SMC1B: variants seen among roughly 807,000 people sequenced by gnomAD.
The protein encoded by SMC1B is structural maintenance of chromosomes 1B.
A neutral mutation model predicts 157.9 loss-of-function variants in SMC1B; 60 were observed. That is an observed-to-expected ratio of 0.38 (90% CI 0.31 to 0.47). The LOEUF is 0.47. Ranked by LOEUF, SMC1B falls within the 20% of genes least tolerant of loss-of-function variation. The pLI is 0.99. For missense variants in SMC1B, 1,165 were observed against 1,426.2 expected (o/e 0.82, Z 2.95); for synonymous variants, 445 against 483.0 (o/e 0.92, Z 1.03).
chr22:45,349,699 T>C (rs1380227162), intron 23 of SMC1B, 29 bp downstream of exon 23: 1 of 1,566,602 alleles, frequency 6.4e-7, no homozygotes. Context: ...TTGTAGACAG[T>C]CTATTGAAAA....
At chr22:45,351,018 A>G (rs1236337533) in intron 22 of SMC1B, among the ~76,000 whole-genome samples, 1 of 152,170 alleles carries the variant, frequency 6.6e-6, no homozygotes, top group Non-Finnish European at 1.5e-5. Context: ...TTAGCTGTCC[A>G]CATGACCTGC....
chr22:45,407,817 C>G lies in SMC1B; in HGVS notation c.298+893G>C, dbSNP rs557286024. Among the ~76,000 whole-genome samples, 3 of 152,300 alleles carry G rather than the reference C, an allele frequency of 2.0e-5. No homozygotes were observed. In the East Asian group the frequency reaches 5.8e-4, roughly 29 times the overall value. On this transcript the variant is annotated intron_variant, in intron 2 of 24. Transcript: ENST00000357450. ...TGCAGAAGTGACTATGCCTCTACCC[C>G]TGTCACATGTGAACAATTGATCAAA...
chr22:45,364,824 C>CTTTTT (rs202166311), intron 15 of SMC1B, among the ~76,000 whole-genome samples: 18 of 105,506 alleles, frequency 1.7e-4, no homozygotes, highest in African/African-American at 6.6e-4. Flanking sequence ...ATCTCTTTTC[C>CTTTTT]TTTTTTTTTT....
At chr22:45,378,039 TCTCA>T (rs2086900100) in intron 12 of SMC1B, among the ~76,000 whole-genome samples, 1 of 152,064 alleles carries the variant, frequency 6.6e-6, no homozygotes, top group Non-Finnish European at 1.5e-5. Context: ...AGAGAAGAGG[TCTCA>T]CTATGTTGCC....
intron 10 of SMC1B, among the ~76,000 whole-genome samples, chr22:45,389,335 C>A (rs1489885516): frequency 6.6e-6 from 1 of 152,210 alleles, no homozygotes; most frequent in Non-Finnish European, 1.5e-5. Context: ...CACACTGGGT[C>A]AAACATTTAC....
At chr22:45,366,484 C>T (rs1192488697) in intron 15 of SMC1B, among the ~76,000 whole-genome samples, 1 of 152,108 alleles carries the variant, frequency 6.6e-6, no homozygotes, top group Non-Finnish European at 1.5e-5. Flanking sequence ...TCAAAGTTTA[C>T]CTCAGAAGAA....
At chr22:45,407,958 A>G (rs2087282803) in intron 2 of SMC1B, among the ~76,000 whole-genome samples, 1 of 152,194 alleles carries the variant, frequency 6.6e-6, no homozygotes, top group Non-Finnish European at 1.5e-5. Context: ...ACACACACAC[A>G]AATTCAAACA....
chr22:45,394,986 A>T (rs2146834580), intron 7 of SMC1B, among the ~76,000 whole-genome samples: 1 of 152,288 alleles, frequency 6.6e-6, no homozygotes, highest in Middle Eastern at 3.4e-3. Flanking sequence ...TCTCTCTGTA[A>T]CTTCAAACTT....
chr22:45,397,104 C>A (rs533433602), intron 6 of SMC1B, among the ~76,000 whole-genome samples: 62 of 148,650 alleles, frequency 4.2e-4, no homozygotes, highest in African/African-American at 1.6e-3. Context: ...ACTATATATA[C>A]CAAAATAATT....
Position 45,386,936 on chromosome 22 carries a change from T to C in SMC1B, c.1842A>G (p.Gly614=), listed in dbSNP as rs774347110. ...QLKKVIQFVC[G]NGLVCETMEE... is the part of the protein sequence containing the mutation. ...CCATAGTCTCACAAACAAGACCATT[T>C]CCACACACAAACTGAATCACTTTCT... The change falls in exon 11 of 25, where the codon GGA becomes GGG. Residue 614 remains glycine (G), a synonymous_variant. Transcript: ENST00000357450. The C allele has an allele frequency of 6.2e-7, 1 of 1,614,148 alleles. No individual in the cohort carries two copies. The highest frequency in any genetic ancestry group is 1.3e-5 in the African/African-American group (1 of 75,060).
chr22:45,366,677 C>A (rs745876322), intron 15 of SMC1B, among the ~76,000 whole-genome samples: 30 of 152,166 alleles, frequency 2.0e-4, no homozygotes, highest in Admixed American at 4.6e-4. Context: ...GTGCATGGAT[C>A]ACCTGAGGTC....
At chr22:45,358,563 G>A in intron 19 of SMC1B, 134 bp downstream of exon 19, 1 of 567,124 alleles carries the variant, frequency 1.8e-6, no homozygotes, top group Non-Finnish European at 3.0e-6. Flanking sequence ...TTTTTCCTTT[G>A]TATATTTCTT....
intron 15 of SMC1B, among the ~76,000 whole-genome samples, chr22:45,366,475 CAA>C (rs1446695349): frequency 2.0e-5 from 3 of 152,152 alleles, no homozygotes; most frequent in African/African-American, 7.2e-5. Context: ...TAGACAAGTT[CAA>C]AGTTTACCTC....
In SMC1B at chr22:45,372,191, C is replaced by G. The variant is rs1342254088; in HGVS notation, c.2160G>C (p.Glu720Asp). 1.2e-6 allele frequency: 2 copies of G among 1,611,672 alleles called. No homozygotes were observed. The highest frequency in any genetic ancestry group is 2.7e-5 in the African/African-American group (2 of 74,806). ...CAACAAGGTGCTTCTTCTTAATCAT[C>G]TCTAGTTCATTTTGTGAATATTTGA... ...TRLKYSQNEL[E>D]MIKKKHLVAF... The change falls in exon 13 of 25, where the codon GAG becomes GAC. Residue 720 changes from glutamate (E) to aspartate (D), a missense_variant. Coordinates refer to ENST00000357450, the MANE Select transcript of SMC1B (RefSeq NM_148674.5).
chr22:45,366,369 A>G (rs1011998418), intron 15 of SMC1B, among the ~76,000 whole-genome samples: 1 of 152,218 alleles, frequency 6.6e-6, no homozygotes, highest in African/African-American at 2.4e-5. Context: ...TGTAATAGGC[A>G]GAATTATTTA....
intron 19 of SMC1B, 136 bp downstream of exon 19, chr22:45,358,561 T>C: frequency 1.8e-6 from 1 of 557,706 alleles, no homozygotes; most frequent in South Asian, 2.5e-5. Flanking sequence ...TGTTTTTCCT[T>C]TGTATATTTC....
Position 45,349,801 on chromosome 22 carries a change from G to GA in SMC1B, c.3426-5dup, listed in dbSNP as rs754975823. The GA allele has an allele frequency of 2.5e-6, 4 of 1,603,210 alleles. No homozygotes were observed. The highest frequency in any genetic ancestry group is 2.6e-6 in the Non-Finnish European group (3 of 1,175,944). ...AAAGAATGGGGCAGGACGAAAACTAGAAAAAAATTACAATCAAGTAAGTTA... is the reference window on the plus strand; with the variant it reads ...AAAGAATGGGGCAGGACGAAAACTAGAAAAAAAATTACAATCAAGTAAGTTA... On this transcript the variant is annotated splice_polypyrimidine_tract_variant and splice_region_variant and intron_variant, in intron 22 of 24. Transcript: ENST00000357450.
intron 7 of SMC1B, among the ~76,000 whole-genome samples, chr22:45,394,999 A>C (rs2087106752): frequency 6.6e-6 from 1 of 152,218 alleles, no homozygotes; most frequent in Admixed American, 6.5e-5. Flanking sequence ...TCAAACTTCA[A>C]GGAGATTATT....
intron 20 of SMC1B, among the ~76,000 whole-genome samples, chr22:45,354,452 G>A (rs956913015): frequency 3.3e-5 from 5 of 152,072 alleles, no homozygotes; most frequent in East Asian, 1.9e-4. Flanking sequence ...GCTCAGTGGC[G>A]TGATCTCGGC....
Sources: gnomAD v4.1 joint callset for allele counts (sites outside exome capture counted in the v4.1 genomes callset) on GRCh38, gnomAD v4.1.1 for gene constraint, MANE v1.5 for transcripts, NCBI Gene and HGNC (gene_info 2026-07-23, HGNC 2026-07-21) for gene names.